Variants in MBD5 observed in about 807,000 individuals in gnomAD.
The protein encoded by MBD5 is methyl-CpG-binding domain protein 5.
A neutral mutation model predicts 117.3 loss-of-function variants in MBD5; 13 were observed. The ratio of observed to expected loss-of-function variants is 0.11; its 90% CI spans 0.07 to 0.18. MBD5 has a LOEUF of 0.18. MBD5 is among the 10% of genes least tolerant of loss of function. MBD5 has a pLI of 1.00. For missense variants in MBD5, 1,879 were observed against 2,093.8 expected (o/e 0.90, Z 2.00); for synonymous variants, 727 against 766.4 (o/e 0.95, Z 0.85).
At chr2:148,276,169 A>G (rs1375197631) in intron 3 of MBD5, among the ~76,000 whole-genome samples, 1 of 152,250 alleles carries the variant, frequency 6.6e-6, no homozygotes, top group Admixed American at 6.5e-5. Context: ...ACAAACAAAA[A>G]GTTAGCCAAA....
intron 3 of MBD5, among the ~76,000 whole-genome samples, chr2:148,334,233 C>T (rs949879664): frequency 5.3e-5 from 8 of 152,126 alleles, no homozygotes; most frequent in Non-Finnish European, 8.8e-5. Flanking sequence ...GTTTAGAAAC[C>T]AGCTTGCTTG....
chr2:148,021,713 C>T, intron 1 of MBD5, 29 bp downstream of exon 1: 1 of 326,822 alleles, frequency 3.1e-6, no homozygotes, highest in Non-Finnish European at 6.1e-6. Context: ...GCTTCATTGC[C>T]TTCCTCTGGC....
At chr2:148,239,966 C>A (rs1305518399) in intron 3 of MBD5, among the ~76,000 whole-genome samples, 1 of 152,164 alleles carries the variant, frequency 6.6e-6, no homozygotes, top group Non-Finnish European at 1.5e-5. Context: ...CACATGCACA[C>A]ATATGTTTAT....
At chr2:148,320,519 C>A (rs1702259173) in intron 3 of MBD5, among the ~76,000 whole-genome samples, 1 of 152,030 alleles carries the variant, frequency 6.6e-6, no homozygotes, top group South Asian at 2.1e-4. Context: ...CCATGCCCAG[C>A]TAATTTTTGT....
intron 3 of MBD5, among the ~76,000 whole-genome samples, chr2:148,304,610 G>A (rs1205033070): frequency 2.0e-5 from 3 of 152,174 alleles, no homozygotes; most frequent in Admixed American, 6.5e-5. Context: ...CTGCATTGGG[G>A]ACTGCAGTGG....
rs189142302 is a variant in MBD5 at position 148,293,306 on chromosome 2, A to G, written c.-679-48908A>G. Among the ~76,000 whole-genome samples the G allele has an allele frequency of 1.4e-4, 22 of 152,224 alleles. No individual in the cohort carries two copies. In the East Asian group the frequency reaches 3.7e-3, roughly 25 times the overall value. On this transcript the variant is annotated intron_variant, in intron 3 of 13. Coordinates refer to ENST00000642680, the MANE Select transcript of MBD5 (RefSeq NM_001378120.1). ...TGGGTACAAAAACTATAAAGAAGGA[A>G]TAAAATCTACTATTGTATTGTGATA...
chr2:148,021,479 T>C lies in MBD5; in HGVS notation c.-1130T>C. Reference sequence around the variant, plus strand: ...CTGCTGCTGTTGCTGCTGCTGCTGCTGTTGCTGCTGCTGCTGCTACTGCTG... The same window carrying C: ...CTGCTGCTGTTGCTGCTGCTGCTGCCGTTGCTGCTGCTGCTGCTACTGCTG... On this transcript the variant is annotated 5_prime_UTR_variant, in exon 1 of 14. Coordinates refer to ENST00000642680, the MANE Select transcript of MBD5 (RefSeq NM_001378120.1). 1.7e-6 allele frequency: 1 copy of C among 576,758 alleles called. No individual in the cohort carries two copies. Among genetic ancestry groups the C allele is most frequent in the Middle Eastern group, 4.2e-4 (1 of 2,366 alleles). 35.7% of individuals were successfully genotyped at this position (576,758 alleles called of 1,614,324 possible).
At chr2:148,501,571 A>C (rs1681872791) in intron 11 of MBD5, among the ~76,000 whole-genome samples, 1 of 152,208 alleles carries the variant, frequency 6.6e-6, no homozygotes, top group African/African-American at 2.4e-5. Context: ...CCCAAGTCAC[A>C]TACAAGTTTT....
intron 1 of MBD5, among the ~76,000 whole-genome samples, chr2:148,086,342 G>A (rs902530176): frequency 2.6e-5 from 4 of 151,946 alleles, no homozygotes. Flanking sequence ...TCATCCTGAA[G>A]AGACAATACA....
chr2:148,402,861 GT>G lies in MBD5; in HGVS notation c.-556-55332del, dbSNP rs927729075. Among the ~76,000 whole-genome samples the G allele has an allele frequency of 4.3e-3, 637 of 148,078 alleles. 6 individuals are homozygous for G. The highest frequency in any genetic ancestry group is 0.015 in the African/African-American group (588 of 40,508). On this transcript the variant is annotated intron_variant, in intron 4 of 13. Coordinates refer to ENST00000642680, the MANE Select transcript of MBD5 (RefSeq NM_001378120.1). ...TGTTAACAGAAGTTATCAGATAGTT[GT>G]TTTTTTTTTCTCTTAAGTCTGGGTG...
intron 1 of MBD5, among the ~76,000 whole-genome samples, chr2:148,123,626 T>C (rs1210124116): frequency 6.6e-6 from 1 of 152,226 alleles, no homozygotes; most frequent in Non-Finnish European, 1.5e-5. Flanking sequence ...TGCCTAGAAA[T>C]GTTCACCAGA....
At chr2:148,510,258 G>GA (rs966009029) in intron 13 of MBD5, 123 bp downstream of exon 13, 66 of 672,856 alleles carry the variant, frequency 9.8e-5, no homozygotes, top group East Asian at 2.5e-4. Context: ...TACTAGCCTA[G>GA]AAAAAAAAGA....
chr2:148,209,951 A>G (rs1699379216), intron 2 of MBD5, among the ~76,000 whole-genome samples: 4 of 152,206 alleles, frequency 2.6e-5, no homozygotes, highest in Admixed American at 2.6e-4. Flanking sequence ...AGTGAAGATT[A>G]CATTTCAACA....
At chr2:148,446,209 C>T (rs377667779) in intron 4 of MBD5, among the ~76,000 whole-genome samples, 317 of 151,310 alleles carry the variant, frequency 2.1e-3, no homozygotes, top group African/African-American at 4.7e-3. Context: ...CCCTTGCCCA[C>T]GCCTATGTCC....
At chr2:148,261,324 A>G (rs1173303698) in intron 3 of MBD5, among the ~76,000 whole-genome samples, 1 of 152,230 alleles carries the variant, frequency 6.6e-6, no homozygotes, top group Non-Finnish European at 1.5e-5. Flanking sequence ...AGCTGTTTCA[A>G]CTACACTGAA....
intron 3 of MBD5, among the ~76,000 whole-genome samples, chr2:148,271,625 G>A (rs949595861): frequency 4.0e-5 from 6 of 151,852 alleles, no homozygotes; most frequent in South Asian, 2.1e-4. Flanking sequence ...TCTAATTTCC[G>A]TCGGTATGCT....
intron 4 of MBD5, chr2:148,346,711 T>G (rs1365538862): frequency 2.6e-5 from 4 of 151,920 alleles, no homozygotes; most frequent in Non-Finnish European, 5.9e-5. Flanking sequence ...ATAATCATAT[T>G]AAGAATATTA....
At chr2:148,410,528 C>G (rs1294853812) in intron 4 of MBD5, among the ~76,000 whole-genome samples, 1 of 152,174 alleles carries the variant, frequency 6.6e-6, no homozygotes. Flanking sequence ...CACTCTGGCT[C>G]AAGCAATCCT....
intron 1 of MBD5, among the ~76,000 whole-genome samples, chr2:148,032,542 CAA>C (rs1694069157): frequency 1.3e-5 from 2 of 151,976 alleles, no homozygotes; most frequent in South Asian, 4.1e-4. Context: ...GAATATTAAA[CAA>C]AGGTCAATGT....
Sources: allele counts gnomAD v4.1 joint callset (sites outside exome capture counted in the v4.1 genomes callset), GRCh38; gene constraint gnomAD v4.1.1; transcripts MANE v1.5; gene names NCBI Gene and HGNC (gene_info 2026-07-23, HGNC 2026-07-21).